FAM13C: variants seen among roughly 807,000 people sequenced by gnomAD.
FAM13C encodes the protein protein FAM13C.
FAM13C carries 37 observed loss-of-function variants against 73.2 expected under a neutral mutation model. The ratio of observed to expected loss-of-function variants is 0.51; its 90% CI spans 0.39 to 0.67. The LOEUF (loss-of-function observed/expected upper bound fraction) is 0.67, where lower values mean the gene tolerates loss of function less well. Among genes scored for constraint, FAM13C ranks in the 30% least tolerant of loss-of-function variants. The pLI is 0.00. For missense variants in FAM13C, 589 were observed against 715.6 expected (o/e 0.82, Z 2.02); for synonymous variants, 246 against 260.9 (o/e 0.94, Z 0.55).
At chr10:59,340,604 T>G (rs1424104555) in intron 3 of FAM13C, among the ~76,000 whole-genome samples, 2 of 151,916 alleles carry the variant, frequency 1.3e-5, no homozygotes, top group African/African-American at 4.8e-5. Flanking sequence ...GAAGTGGGAG[T>G]GGGGTACTCA....
Position 59,302,819 on chromosome 10 carries a change from A to C in FAM13C, c.489T>G (p.Thr163=). The part of the protein sequence containing the change: ...TAISPKDAFE[T]RQDLNEEEAA... ...CACGTACCTCATTTAAGTCCTGCCGAGTTTCAAAAGCATCCTTTGGCGAAA... is the reference window on the plus strand; with the variant it reads ...CACGTACCTCATTTAAGTCCTGCCGCGTTTCAAAAGCATCCTTTGGCGAAA... Residue 163 remains threonine, a synonymous_variant, in exon 5 of 14, where the codon ACT becomes ACG. Transcript: ENST00000618804. The C allele has an allele frequency of 3.1e-6, 5 of 1,614,096 alleles. No individual in the cohort carries two copies. The highest frequency in any genetic ancestry group is 4.2e-6 in the Non-Finnish European group (5 of 1,179,984).
intron 3 of FAM13C, among the ~76,000 whole-genome samples, chr10:59,347,062 C>CT (rs1384800059): frequency 2.0e-5 from 3 of 152,048 alleles, no homozygotes; most frequent in African/African-American, 7.2e-5. Context: ...TTAAGGCATT[C>CT]TTTTGCAAAG....
intron 3 of FAM13C, among the ~76,000 whole-genome samples, chr10:59,337,675 T>C (rs1002333992): frequency 5.5e-5 from 4 of 72,276 alleles, no homozygotes; most frequent in African/African-American, 1.9e-4. Flanking sequence ...TTCTTTTTTT[T>C]TTTTTTTTTT....
Position 59,247,206 on chromosome 10 carries a change from TTCC to T in FAM13C, c.*405_*407del. On this transcript the variant is annotated 3_prime_UTR_variant, in exon 14 of 14. Transcript: ENST00000618804. ...TTCCTACTTGAAAAGCGAATTTCTT[TTCC>T]TCCTATGATTGATTTTTTAAAATCA... 1 of 163,642 alleles carries T rather than the reference TTCC, an allele frequency of 6.1e-6. No individual in the cohort carries two copies. Among genetic ancestry groups the T allele is most frequent in the East Asian group, 1.8e-4 (1 of 5,416 alleles). 10.1% of individuals were successfully genotyped at this position (163,642 alleles called of 1,614,324 possible). A position where few individuals can be genotyped will look rare whatever the true frequency, so the allele number is the denominator to read the frequency against.
intron 5 of FAM13C, chr10:59,283,737 CA>C (rs1218337034): frequency 7.1e-6 from 4 of 561,110 alleles, no homozygotes; most frequent in Non-Finnish European, 9.6e-6. Context: ...TTATCTGTGA[CA>C]CATGGGACTG....
intron 2 of FAM13C, among the ~76,000 whole-genome samples, chr10:59,353,372 C>A (rs535091650): frequency 2.2e-4 from 34 of 152,118 alleles, no homozygotes; most frequent in Non-Finnish European, 4.4e-4. Context: ...CCAGAAGGGG[C>A]CTTCTCTATA....
intron 3 of FAM13C, among the ~76,000 whole-genome samples, chr10:59,344,493 A>G (rs1201464056): frequency 6.6e-6 from 1 of 150,748 alleles, no homozygotes; most frequent in Admixed American, 6.6e-5. Context: ...CATGTTAGCC[A>G]GAATGGTCTC....
chr10:59,352,869 G>A (rs1460455970), intron 2 of FAM13C, among the ~76,000 whole-genome samples: 1 of 152,066 alleles, frequency 6.6e-6, no homozygotes, highest in Non-Finnish European at 1.5e-5. Context: ...TAAATCACAC[G>A]CCTAATGGAA....
intron 5 of FAM13C, among the ~76,000 whole-genome samples, chr10:59,284,894 C>T (rs1339042588): frequency 6.6e-6 from 1 of 151,964 alleles, no homozygotes; most frequent in African/African-American, 2.4e-5. Context: ...CACACACACA[C>T]CTGCTCCATA....
intron 6 of FAM13C, among the ~76,000 whole-genome samples, chr10:59,280,774 G>A (rs2133665443): frequency 6.6e-6 from 1 of 152,320 alleles, no homozygotes; most frequent in African/African-American, 2.4e-5. Context: ...GTCTAGGACA[G>A]GGGAGCATGT....
intron 5 of FAM13C, among the ~76,000 whole-genome samples, chr10:59,302,569 T>C (rs923863499): frequency 2.0e-5 from 3 of 152,200 alleles, no homozygotes; most frequent in African/African-American, 7.2e-5. Flanking sequence ...ACTGCTGGAC[T>C]TGGGTTAGGG....
At chr10:59,280,540 C>T (rs988049536) in intron 6 of FAM13C, among the ~76,000 whole-genome samples, 1 of 152,188 alleles carries the variant, frequency 6.6e-6, no homozygotes, top group African/African-American at 2.4e-5. Context: ...AGACACTGTC[C>T]ACTTGAATAG....
intron 5 of FAM13C, among the ~76,000 whole-genome samples, chr10:59,287,860 C>A (rs1845783616): frequency 6.6e-6 from 1 of 152,216 alleles, no homozygotes; most frequent in African/African-American, 2.4e-5. Flanking sequence ...GGCCATGTGG[C>A]AAGGCTGTAC....
chr10:59,310,949 G>T (rs756938517), intron 4 of FAM13C, among the ~76,000 whole-genome samples: 2 of 152,156 alleles, frequency 1.3e-5, no homozygotes, highest in Non-Finnish European at 1.5e-5. Context: ...CTATCCTAAA[G>T]GTCCAAGTGC....
intron 4 of FAM13C, among the ~76,000 whole-genome samples, chr10:59,319,663 G>A (rs1589595221): frequency 6.6e-6 from 1 of 152,318 alleles, no homozygotes; most frequent in Non-Finnish European, 1.5e-5. Context: ...CAGATTGATG[G>A]TACTAATCTT....
chr10:59,358,000 T>C (rs1303975148), intron 1 of FAM13C, among the ~76,000 whole-genome samples: 1 of 152,220 alleles, frequency 6.6e-6, no homozygotes, highest in African/African-American at 2.4e-5. Flanking sequence ...TTAAAATCTT[T>C]AATTTATAGT....
chr10:59,260,831 C>A (rs1215821731), intron 10 of FAM13C, among the ~76,000 whole-genome samples: 3 of 152,116 alleles, frequency 2.0e-5, no homozygotes, highest in Non-Finnish European at 4.4e-5. Flanking sequence ...ATCCACCAGT[C>A]AGTAGGCTTC....
At chr10:59,322,753 C>T (rs975335944) in intron 4 of FAM13C, among the ~76,000 whole-genome samples, 1 of 152,158 alleles carries the variant, frequency 6.6e-6, no homozygotes, top group Non-Finnish European at 1.5e-5. Flanking sequence ...CTGAGAGAGA[C>T]AGTCATCAGG....
intron 10 of FAM13C, among the ~76,000 whole-genome samples, chr10:59,259,931 T>G (rs1408328144): frequency 6.6e-6 from 1 of 152,132 alleles, no homozygotes; most frequent in African/African-American, 2.4e-5. Flanking sequence ...TTGGGCAAAC[T>G]GGGACGATTG....
Sources: gnomAD v4.1 joint callset for allele counts (sites outside exome capture counted in the v4.1 genomes callset) on GRCh38, gnomAD v4.1.1 for gene constraint, MANE v1.5 for transcripts, NCBI Gene and HGNC (gene_info 2026-07-23, HGNC 2026-07-21) for gene names.